Variants in SLC44A5 observed in about 807,000 individuals in gnomAD.
SLC44A5 encodes the protein solute carrier family 44 member 5, also known as choline transporter-like protein 5.
SLC44A5 carries 57 observed loss-of-function variants against 101.8 expected under a neutral mutation model. The ratio of observed to expected loss-of-function variants is 0.56; its 90% CI spans 0.45 to 0.70. The LOEUF is 0.70. Ranked by LOEUF, SLC44A5 falls within the 30% of genes least tolerant of loss-of-function variation. The pLI is 0.00. For synonymous variants in SLC44A5, 281 were observed against 290.9 expected (o/e 0.97, Z 0.35); for missense variants, 737 against 853.1 (o/e 0.86, Z 1.70).
chr1:75,375,181 G>A lies in SLC44A5; in HGVS notation c.52+21402C>T, dbSNP rs115893756. Among the ~76,000 whole-genome samples the A allele has an allele frequency of 8.2e-3, 1,248 of 152,262 alleles. 18 individuals are homozygous for A. The highest frequency in any genetic ancestry group is 0.029 in the African/African-American group (1,192 of 41,564). On this transcript the variant is annotated intron_variant, in intron 3 of 23. Transcript: ENST00000370859. ...AGAACCAAACTCAACTTCTGGAATT[G>A]AAAATTTCACTATAGAAATTTCAAA...
intron 2 of SLC44A5, among the ~76,000 whole-genome samples, chr1:75,453,499 C>A (rs930442942): frequency 2.0e-5 from 3 of 151,922 alleles, no homozygotes; most frequent in Admixed American, 1.3e-4. Context: ...AACAAATTAA[C>A]CCCAAACCTA....
chr1:75,645,435 G>C, the SLC44A5 span, among the ~76,000 whole-genome samples: 7 of 152,186 alleles, frequency 4.6e-5, no homozygotes, highest in Admixed American at 1.3e-4. Context: ...CTTTTGAGAA[G>C]TGTCTGTTCA....
intron 8 of SLC44A5, among the ~76,000 whole-genome samples, chr1:75,242,386 A>G (rs1290439337): frequency 6.6e-6 from 1 of 151,934 alleles, no homozygotes; most frequent in East Asian, 1.9e-4. Context: ...GAAAAACAAC[A>G]TCTTCTCTAA....
the SLC44A5 span, among the ~76,000 whole-genome samples, chr1:75,716,122 C>T: frequency 6.6e-6 from 1 of 152,170 alleles, no homozygotes; most frequent in Non-Finnish European, 1.5e-5. Flanking sequence ...TACCATCTCA[C>T]ACCAGTCAGA....
the SLC44A5 span, among the ~76,000 whole-genome samples, chr1:75,713,593 T>C: frequency 6.6e-6 from 1 of 152,164 alleles, no homozygotes; most frequent in Admixed American, 6.5e-5. Context: ...AAAGCAACTT[T>C]ATCTTTGGTG....
intron 3 of SLC44A5, among the ~76,000 whole-genome samples, chr1:75,356,915 T>C (rs900283894): frequency 6.6e-6 from 1 of 152,210 alleles, no homozygotes; most frequent in African/African-American, 2.4e-5. Context: ...GAGCAGTAGA[T>C]TATACCATAT....
At chr1:75,286,653 T>C (rs1183270979) in intron 5 of SLC44A5, among the ~76,000 whole-genome samples, 2 of 152,180 alleles carry the variant, frequency 1.3e-5, no homozygotes, top group Non-Finnish European at 2.9e-5. Flanking sequence ...GAGCAGTTCT[T>C]GTCATGCTGG....
chr1:75,412,690 T>C (rs1663357935), intron 2 of SLC44A5, among the ~76,000 whole-genome samples: 1 of 152,174 alleles, frequency 6.6e-6, no homozygotes. Flanking sequence ...AACAGAAAGT[T>C]TCAGAAATAA....
the SLC44A5 span, among the ~76,000 whole-genome samples, chr1:75,697,604 C>T: frequency 6.6e-6 from 1 of 152,080 alleles, no homozygotes; most frequent in East Asian, 1.9e-4. Flanking sequence ...CTGAGCAACA[C>T]GGCGAAACTG....
intron 3 of SLC44A5, among the ~76,000 whole-genome samples, chr1:75,393,745 G>T (rs1661947255): frequency 6.6e-6 from 1 of 152,152 alleles, no homozygotes; most frequent in African/African-American, 2.4e-5. Flanking sequence ...AAACAGATTT[G>T]TCTGATTATT....
Position 75,423,319 on chromosome 1 carries a change from G to A in SLC44A5, c.14-26698C>T, listed in dbSNP as rs572138745. Among the ~76,000 whole-genome samples the A allele has an allele frequency of 6.4e-4, 97 of 152,254 alleles. 1 individual carries two copies. In the South Asian group the frequency reaches 7.1e-3, roughly 11 times the overall value. On this transcript the variant is annotated intron_variant, in intron 2 of 23. Transcript: ENST00000370859. ...TATCATACTGCAGTTTCCTATGGCT[G>A]GTGAAATTAGATTAGATGGTTGTCT...
the SLC44A5 span, among the ~76,000 whole-genome samples, chr1:75,625,473 C>T: frequency 6.6e-6 from 1 of 152,114 alleles, no homozygotes; most frequent in African/African-American, 2.4e-5. Flanking sequence ...CTGGGCAAAG[C>T]ATTTATTAGG....
the SLC44A5 span, among the ~76,000 whole-genome samples, chr1:75,698,182 G>A: frequency 6.6e-6 from 1 of 152,204 alleles, no homozygotes; most frequent in Non-Finnish European, 1.5e-5. Flanking sequence ...GCCTCTGTAG[G>A]TTCCACCTCT....
At chr1:75,316,593 T>G (rs1353117933) in intron 4 of SLC44A5, among the ~76,000 whole-genome samples, 1 of 152,238 alleles carries the variant, frequency 6.6e-6, no homozygotes, top group Non-Finnish European at 1.5e-5. Context: ...CTCTATATCT[T>G]TACTTCTATA....
chr1:75,630,543 CT>C, the SLC44A5 span, among the ~76,000 whole-genome samples: 1 of 152,122 alleles, frequency 6.6e-6, no homozygotes, highest in African/African-American at 2.4e-5. Context: ...AAAGCCTCTC[CT>C]TAACCTTAGG....
chr1:75,671,843 G>A, the SLC44A5 span, among the ~76,000 whole-genome samples: 1 of 152,232 alleles, frequency 6.6e-6, no homozygotes, highest in Non-Finnish European at 1.5e-5. Flanking sequence ...TGAAATGGCT[G>A]TAGAGGAACT....
chr1:75,402,526 GC>G, intron 2 of SLC44A5: 1 of 239,832 alleles, frequency 4.2e-6, no homozygotes, highest in South Asian at 4.0e-5. Context: ...AATGGGTGTA[GC>G]CCACAGAGGA....
At chr1:75,595,103 G>T (rs1043374203) in intron 1 of SLC44A5, among the ~76,000 whole-genome samples, 22 of 151,894 alleles carry the variant, frequency 1.4e-4, no homozygotes, top group African/African-American at 3.9e-4. Flanking sequence ...AGAAAGAAAG[G>T]GAGGTAGGGA....
chr1:75,208,950 A>C (rs1212262812), intron 23 of SLC44A5, among the ~76,000 whole-genome samples: 1 of 152,216 alleles, frequency 6.6e-6, no homozygotes, highest in South Asian at 2.1e-4. Flanking sequence ...GGAATAAATA[A>C]ATAAATAAAT....
Sources: allele counts gnomAD v4.1 joint callset (sites outside exome capture counted in the v4.1 genomes callset), GRCh38; gene constraint gnomAD v4.1.1; transcripts MANE v1.5; gene names NCBI Gene and HGNC (gene_info 2026-07-23, HGNC 2026-07-21).